The following SYCP2L variants were observed in gnomAD, a reference collection of about 807,000 sequenced individuals.
SYCP2L encodes the protein synaptonemal complex protein 2-like.
In SYCP2L, 98 loss-of-function variants were observed where a neutral mutation model predicts 125.8. That is an observed-to-expected ratio of 0.78 (90% CI 0.66 to 0.92). SYCP2L has a LOEUF of 0.92. Ranked by LOEUF, SYCP2L falls within the 40% of genes least tolerant of loss-of-function variation. SYCP2L has a pLI of 0.00. For synonymous variants in SYCP2L, 317 were observed against 325.4 expected, an observed-to-expected ratio of 0.97 and a Z score of 0.28; for missense variants, 842 against 936.4, an observed-to-expected ratio of 0.90 and a Z score of 1.32.
intron 23 of SYCP2L, among the ~76,000 whole-genome samples, chr6:10,946,237 A>G (rs1781313354): frequency 6.6e-6 from 1 of 152,034 alleles, no homozygotes; most frequent in South Asian, 2.1e-4. Flanking sequence ...ACTCATTTGT[A>G]GTTATATACT....
At chr6:10,962,774 G>T (rs1247188402) in intron 28 of SYCP2L, among the ~76,000 whole-genome samples, 2 of 152,244 alleles carry the variant, frequency 1.3e-5, no homozygotes, top group Admixed American at 6.5e-5. Flanking sequence ...TTTACTGTCT[G>T]GCTTAATAGA....
At chr6:10,893,010 CT>C (rs779452786) in intron 2 of SYCP2L, among the ~76,000 whole-genome samples, 6,905 of 143,090 alleles carry the variant, frequency 0.048, 192 homozygotes, top group African/African-American at 0.085. Flanking sequence ...AGTATATATA[CT>C]TTTTTTTTTT....
chr6:10,925,628 T>A (rs1581829041), intron 15 of SYCP2L, among the ~76,000 whole-genome samples: 1 of 152,328 alleles, frequency 6.6e-6, no homozygotes, highest in South Asian at 2.1e-4. Context: ...GGTTTCCTTT[T>A]GGTTTGAGTT....
chr6:10,969,343 CT>C (rs567037595), intron 29 of SYCP2L, among the ~76,000 whole-genome samples: 43 of 150,010 alleles, frequency 2.9e-4, no homozygotes, highest in African/African-American at 1.0e-3. Flanking sequence ...GATAATTCCC[CT>C]TCTAGGAAAT....
At chr6:10,930,888 C>T (rs754289659) in intron 19 of SYCP2L, among the ~76,000 whole-genome samples, 31 of 152,172 alleles carry the variant, frequency 2.0e-4, no homozygotes, top group Admixed American at 1.3e-4. Context: ...GGTAAAACTA[C>T]AAGGGCATGC....
At chr6:10,958,920 C>G in intron 26 of SYCP2L, 45 bp downstream of exon 26, 1 of 1,546,120 alleles carries the variant, frequency 6.5e-7, no homozygotes. Flanking sequence ...TGTGATCACT[C>G]ACCAACAGCG....
At chr6:10,930,151 G>A in intron 18 of SYCP2L, 1 of 377,878 alleles carries the variant, frequency 2.6e-6, no homozygotes, top group South Asian at 5.0e-5. Context: ...TTATTAGAAA[G>A]GATTTTGTCA....
intron 14 of SYCP2L, among the ~76,000 whole-genome samples, chr6:10,919,503 A>G (rs12215477): frequency 0.2 from 29,725 of 152,118 alleles, 3,664 homozygotes; most frequent in East Asian, 0.33. Flanking sequence ...GGACTCTGTG[A>G]TGGTTCTTAA....
At position 10,924,565 on chromosome 6, in the gene SYCP2L, T is replaced by A; in HGVS notation, c.1142T>A (p.Met381Lys). 6.2e-7 allele frequency: 1 copy of A among 1,606,304 alleles called. No individual in the cohort carries two copies. ...KPMIISYKEVMKIEIHFDLQF... is the reference protein window; with the variant it reads ...KPMIISYKEVKKIEIHFDLQF... ...ATGATTATCAGCTACAAAGAAGTCA[T>A]GAAAATAGAAATCCATTTTGATTTG... Residue 381 changes from methionine to lysine, a missense_variant, in exon 15 of 30, where the codon ATG becomes AAG. By Grantham distance (95) the Met-to-Lys change is moderately conservative. Coordinates refer to ENST00000283141, the MANE Select transcript of SYCP2L (RefSeq NM_001040274.3).
intron 9 of SYCP2L, among the ~76,000 whole-genome samples, chr6:10,906,812 T>C (rs1449284585): frequency 1.3e-5 from 2 of 151,714 alleles, no homozygotes; most frequent in African/African-American, 4.8e-5. Flanking sequence ...TTGGCCAGGC[T>C]GGTCTCGAAC....
chr6:10,923,202 T>C (rs566464181), intron 14 of SYCP2L, among the ~76,000 whole-genome samples: 1 of 152,186 alleles, frequency 6.6e-6, no homozygotes, highest in African/African-American at 2.4e-5. Context: ...TTTCCTGGAC[T>C]TTGCTGCCTT....
At chr6:10,898,883 T>C (rs767504869) in intron 6 of SYCP2L, 35 bp downstream of exon 6, 1 of 1,230,694 alleles carries the variant, frequency 8.1e-7, no homozygotes, top group Admixed American at 1.8e-5. Flanking sequence ...TGGCTATTAA[T>C]TTTTCATTAA....
chr6:10,910,259 A>G, intron 11 of SYCP2L, 59 bp downstream of exon 11: 1 of 1,484,890 alleles, frequency 6.7e-7, no homozygotes, highest in South Asian at 1.1e-5. Flanking sequence ...CTAATATTTT[A>G]AAAGAACAGT....
rs1233812932 is a variant in SYCP2L, at chr6:10,891,611, CTCTGTGTGTGTGTGTGTGTGTGTG to C, written c.78+32_78+55del. ...AGATCAAGTTTCTTTTATAATCTCT[CTCTGTGTGTGTGTGTGTGTGTGTG>C]TGTGTGTGTGTGTGTGTGTGTGTGT... On this transcript the variant is annotated intron_variant, in intron 2 of 29. Transcript: ENST00000283141. 1.7e-4 allele frequency: 22 copies of C among 130,354 alleles called. 1 individual carries two copies. The East Asian group carries it at 7.8e-3, about 46-fold the overall frequency. 8.1% of individuals were successfully genotyped at this position (130,354 alleles called of 1,614,324 possible). A position where few individuals can be genotyped will look rare whatever the true frequency, so the allele number is the denominator to read the frequency against.
chr6:10,936,194 G>A (rs1033477922), intron 21 of SYCP2L, among the ~76,000 whole-genome samples: 4 of 150,780 alleles, frequency 2.7e-5, no homozygotes, highest in African/African-American at 9.9e-5. Flanking sequence ...AGAGGAAAAT[G>A]TAACATTAAA....
At chr6:10,944,239 A>C (rs1781272357) in intron 23 of SYCP2L, among the ~76,000 whole-genome samples, 1 of 152,184 alleles carries the variant, frequency 6.6e-6, no homozygotes, top group Non-Finnish European at 1.5e-5. Context: ...GTGTGTGTGG[A>C]CACTGAAGTT....
intron 23 of SYCP2L, among the ~76,000 whole-genome samples, chr6:10,949,584 G>T (rs1781374224): frequency 6.6e-6 from 1 of 151,996 alleles, no homozygotes; most frequent in African/African-American, 2.4e-5. Context: ...TATATCCTTT[G>T]TTCTATTTTA....
chr6:10,957,639 C>T (rs1163920038), intron 25 of SYCP2L, among the ~76,000 whole-genome samples: 1 of 152,044 alleles, frequency 6.6e-6, no homozygotes. Flanking sequence ...ATAGTGAGAC[C>T]CTGTCTCTAC....
chr6:10,952,149 G>A (rs1459826568), intron 23 of SYCP2L, among the ~76,000 whole-genome samples: 2 of 152,126 alleles, frequency 1.3e-5, no homozygotes, highest in East Asian at 1.9e-4. Context: ...ATGTTGAAAC[G>A]TGCTAGTGAA....
Sources: allele counts gnomAD v4.1 joint callset (sites outside exome capture counted in the v4.1 genomes callset), GRCh38; gene constraint gnomAD v4.1.1; transcripts MANE v1.5; gene names NCBI Gene and HGNC (gene_info 2026-07-23, HGNC 2026-07-21).